The following PCCA variants were observed in gnomAD, a reference collection of about 807,000 sequenced individuals.
The protein encoded by PCCA is propionyl-CoA carboxylase subunit alpha.
In PCCA, 74 loss-of-function variants were observed where a neutral mutation model predicts 101.3. That is an observed-to-expected ratio of 0.73 (90% confidence interval 0.61 to 0.89). The LOEUF is 0.89. Ranked by LOEUF, PCCA falls within the 40% of genes least tolerant of loss-of-function variation. The pLI is 0.00. For missense variants in PCCA, 891 were observed against 907.0 expected (o/e 0.98, Z 0.23); for synonymous variants, 294 against 313.6 (o/e 0.94, Z 0.66).
chr13:100,128,355 G>A (rs1270291144), intron 4 of PCCA, among the ~76,000 whole-genome samples: 1 of 152,168 alleles, frequency 6.6e-6, no homozygotes, highest in East Asian at 1.9e-4. Flanking sequence ...TGGAGGCTGG[G>A]TACTATGATA....
chr13:100,143,457 C>T (rs1025017343), intron 4 of PCCA, among the ~76,000 whole-genome samples: 5 of 150,016 alleles, frequency 3.3e-5, no homozygotes, highest in Admixed American at 1.3e-4. Flanking sequence ...ATTGTTTGCA[C>T]GTGGGAGGCA....
chr13:100,254,172 AACTC>A (rs1432644903), intron 8 of PCCA, among the ~76,000 whole-genome samples: 3 of 152,068 alleles, frequency 2.0e-5, no homozygotes, highest in African/African-American at 4.8e-5. Context: ...ATCTCATGAG[AACTC>A]ACTCACTATC....
chr13:100,384,657 A>G (rs1223306723), intron 19 of PCCA, among the ~76,000 whole-genome samples: 1 of 152,164 alleles, frequency 6.6e-6, no homozygotes, highest in Non-Finnish European at 1.5e-5. Flanking sequence ...ACATTATTAT[A>G]TGTATTCTTT....
rs185667020 is a variant in PCCA at position 100,467,870 on chromosome 13, A to G, written c.1899+18565A>G. The stretch of plus-strand genomic sequence containing the variant: ...TGTGAATTCAACACAAATGTTCTTA[A>G]TAGCATCTAGAGTGGTGAAGAAGGT... On this transcript the variant is annotated intron_variant, in intron 21 of 23. Coordinates refer to ENST00000376285, the MANE Select transcript of PCCA (RefSeq NM_000282.4). Among the ~76,000 whole-genome samples the G allele has an allele frequency of 2.0e-5, 3 of 152,338 alleles. No homozygotes were observed. The East Asian group carries it at 5.8e-4, about 29-fold the overall frequency.
chr13:100,206,686 C>T (rs2058873377), intron 6 of PCCA, among the ~76,000 whole-genome samples: 1 of 152,116 alleles, frequency 6.6e-6, no homozygotes, highest in Non-Finnish European at 1.5e-5. Context: ...AATTTGGCAC[C>T]TTGGCATATA....
At chr13:100,180,042 AGTTAGGGTCATTCTAAGAAGCT>A (rs2056647135) in intron 6 of PCCA, among the ~76,000 whole-genome samples, 1 of 152,192 alleles carries the variant, frequency 6.6e-6, no homozygotes, top group Non-Finnish European at 1.5e-5. Context: ...AGGGCAGATC[AGTTAGGGTCATTCTAAGAAGCT>A]GGGATTTAGG....
intron 12 of PCCA, among the ~76,000 whole-genome samples, chr13:100,298,247 T>C (rs367703391): frequency 2.6e-5 from 4 of 152,294 alleles, no homozygotes; most frequent in African/African-American, 9.6e-5. Context: ...GTGTGTTCCA[T>C]GGACTTGGCA....
intron 16 of PCCA, among the ~76,000 whole-genome samples, chr13:100,320,896 T>C (rs1421428297): frequency 6.6e-6 from 1 of 152,150 alleles, no homozygotes; most frequent in African/African-American, 2.4e-5. Context: ...GGACTACAGA[T>C]GTGCCACCCT....
chr13:100,372,898 C>G (rs1009778461), intron 19 of PCCA, among the ~76,000 whole-genome samples: 2 of 152,120 alleles, frequency 1.3e-5, no homozygotes, highest in Non-Finnish European at 2.9e-5. Context: ...TGCCACCACA[C>G]TTGGCTAATT....
intron 21 of PCCA, chr13:100,490,771 G>A (rs1365941115): frequency 2.6e-5 from 4 of 152,262 alleles, no homozygotes; most frequent in Non-Finnish European, 4.4e-5. Context: ...TTTGGACAGT[G>A]TTGGATTACC....
chr13:100,240,991 A>T (rs188051829), intron 8 of PCCA, among the ~76,000 whole-genome samples: 2 of 151,736 alleles, frequency 1.3e-5, no homozygotes, highest in African/African-American at 4.8e-5. Flanking sequence ...TTCCCTGGAG[A>T]TTTCCCTCAT....
Position 100,439,069 on chromosome 13 carries a change from A to G in PCCA, c.1846-10183A>G, listed in dbSNP as rs868594823. Among the ~76,000 whole-genome samples, 5 of 152,290 alleles carry G rather than the reference A, an allele frequency of 3.3e-5. 1 individual carries two copies. The highest frequency in any genetic ancestry group is 6.8e-3 in the Middle Eastern group (2 of 294). On this transcript the variant is annotated intron_variant, in intron 20 of 23. Coordinates refer to ENST00000376285, the MANE Select transcript of PCCA (RefSeq NM_000282.4). ...ATTGAAAATTTAACTCCTCAGTCACACCAGTCATATTTCAAGTTCTCAGTA... is the reference window on the plus strand; with the variant it reads ...ATTGAAAATTTAACTCCTCAGTCACGCCAGTCATATTTCAAGTTCTCAGTA...
intron 6 of PCCA, among the ~76,000 whole-genome samples, chr13:100,204,399 C>CA (rs2058730079): frequency 6.6e-6 from 1 of 152,236 alleles, no homozygotes; most frequent in Non-Finnish European, 1.5e-5. Flanking sequence ...CTCGGCCTCC[C>CA]AAAGTGCTGA....
intron 4 of PCCA, chr13:100,151,172 G>A (rs1034094606): frequency 1.3e-6 from 1 of 792,596 alleles, no homozygotes. Flanking sequence ...TAAAGAAGAT[G>A]ATTTTTCTCA....
At chr13:100,096,271 A>G (rs1386463329) in intron 1 of PCCA, among the ~76,000 whole-genome samples, 2 of 151,998 alleles carry the variant, frequency 1.3e-5, no homozygotes, top group Non-Finnish European at 2.9e-5. Flanking sequence ...TAATTTTTTC[A>G]TTATTACTAT....
intron 21 of PCCA, among the ~76,000 whole-genome samples, chr13:100,478,180 C>T (rs990637308): frequency 2.0e-5 from 3 of 152,090 alleles, no homozygotes; most frequent in African/African-American, 4.8e-5. Context: ...TTTTTTTTCC[C>T]CTTGATCCAG....
intron 20 of PCCA, among the ~76,000 whole-genome samples, chr13:100,448,785 T>G (rs2081018793): frequency 6.6e-6 from 1 of 152,222 alleles, no homozygotes; most frequent in African/African-American, 2.4e-5. Flanking sequence ...TATAACTATT[T>G]TATTGAGATA....
chr13:100,106,442 G>A (rs1233371689), intron 2 of PCCA, among the ~76,000 whole-genome samples: 2 of 151,992 alleles, frequency 1.3e-5, no homozygotes, highest in South Asian at 2.1e-4. Context: ...ACAGAGTCTC[G>A]CTCTGTCACC....
intron 6 of PCCA, among the ~76,000 whole-genome samples, chr13:100,205,541 T>TA (rs769564231): frequency 1.6e-4 from 24 of 150,548 alleles, no homozygotes; most frequent in Non-Finnish European, 2.7e-4. Context: ...ATATAAGCTT[T>TA]TTTTTTTTTT....
Sources: allele counts gnomAD v4.1 joint callset (sites outside exome capture counted in the v4.1 genomes callset), GRCh38; gene constraint gnomAD v4.1.1; transcripts MANE v1.5; gene names NCBI Gene and HGNC (gene_info 2026-07-23, HGNC 2026-07-21).